The following PRKN variants were observed in gnomAD, a reference collection of about 807,000 sequenced individuals.
PRKN encodes the protein E3 ubiquitin-protein ligase parkin.
PRKN carries 56 observed loss-of-function variants against 59.5 expected under a neutral mutation model. That is an observed-to-expected ratio of 0.94 (90% CI 0.76 to 1.18). The LOEUF (loss-of-function observed/expected upper bound fraction) is 1.18. Ranked by LOEUF, PRKN falls within the 50% of genes most tolerant of loss-of-function variation. The pLI is 0.00. For missense variants in PRKN, 657 were observed against 596.4 expected (o/e 1.10, Z -1.06); for synonymous variants, 250 against 222.1 (o/e 1.13, Z -1.12).
At chr6:162,313,465 G>A (rs1383105982) in intron 2 of PRKN, among the ~76,000 whole-genome samples, 3 of 151,918 alleles carry the variant, frequency 2.0e-5, no homozygotes, top group African/African-American at 7.3e-5. Context: ...TCTATTGCAT[G>A]TTGCATGTAT....
At position 162,233,292 on chromosome 6, in the gene PRKN, G is replaced by C. The variant is rs1445694470; in HGVS notation, c.412+29233C>G. Reference sequence around the variant, plus strand: ...AAAATATAGACATTTTTAAAGCAAAGCATATGCAAGTATTTCTATATGATA... The same window carrying C: ...AAAATATAGACATTTTTAAAGCAAACCATATGCAAGTATTTCTATATGATA... On this transcript the variant is annotated intron_variant, in intron 3 of 11. Coordinates refer to ENST00000366898, the MANE Select transcript of PRKN (RefSeq NM_004562.3). Among the ~76,000 whole-genome samples the C allele has an allele frequency of 3.3e-5, 5 of 152,178 alleles. No individual in the cohort carries two copies. In the East Asian group the frequency reaches 9.7e-4, roughly 29 times the overall value.
At chr6:161,591,384 G>GGA (rs890181111) in intron 7 of PRKN, among the ~76,000 whole-genome samples, 38 of 152,172 alleles carry the variant, frequency 2.5e-4, no homozygotes, top group African/African-American at 8.4e-4. Flanking sequence ...TGGGCCTGAA[G>GGA]GAAATGACAC....
intron 6 of PRKN, among the ~76,000 whole-genome samples, chr6:161,900,894 TA>T (rs1777888281): frequency 7.4e-6 from 1 of 135,938 alleles, no homozygotes; most frequent in African/African-American, 2.8e-5. Context: ...ATATTATATA[TA>T]ACACATATGT....
chr6:162,299,598 A>G (rs1299593839), intron 2 of PRKN, among the ~76,000 whole-genome samples: 2 of 151,928 alleles, frequency 1.3e-5, no homozygotes, highest in Admixed American at 1.3e-4. Flanking sequence ...AAATATATAT[A>G]AACTATACAT....
chr6:162,685,997 G>A (rs895750107), intron 1 of PRKN, among the ~76,000 whole-genome samples: 1 of 152,104 alleles, frequency 6.6e-6, no homozygotes, highest in African/African-American at 2.4e-5. Flanking sequence ...CGTCCATTCT[G>A]AAGGGAGAGC....
chr6:161,350,943 A>AT (rs1382829831), intron 11 of PRKN, among the ~76,000 whole-genome samples: 26 of 78,800 alleles, frequency 3.3e-4, no homozygotes, highest in African/African-American at 1.5e-3. Context: ...ATATAAATAT[A>AT]TTTTATATAT....
At chr6:162,239,984 T>C (rs1394696546) in intron 3 of PRKN, among the ~76,000 whole-genome samples, 3 of 152,192 alleles carry the variant, frequency 2.0e-5, no homozygotes, top group African/African-American at 7.2e-5. Flanking sequence ...TTCCCCATAC[T>C]GTTCTCATGA....
Position 162,053,621 on chromosome 6 carries a change from G to A in PRKN, c.618+470C>T, listed in dbSNP as rs1436993864. Among the ~76,000 whole-genome samples the A allele has an allele frequency of 3.3e-5, 5 of 152,054 alleles. No individual in the cohort carries two copies. The South Asian group carries it at 1.0e-3, about 31-fold the overall frequency. On this transcript the variant is annotated intron_variant, in intron 5 of 11. Transcript: ENST00000366898. ...TCGCCGGCCACCCATACTATATTTT[G>A]TAATAGTCCACTATGTCAGAAAATT...
intron 2 of PRKN, 64 bp from the exon 3 acceptor site, chr6:162,262,829 A>T: frequency 6.3e-7 from 1 of 1,582,552 alleles, no homozygotes; most frequent in Non-Finnish European, 8.6e-7. Flanking sequence ...GAAATGCGAG[A>T]TAGAGTTTAA....
chr6:162,288,043 A>G (rs1215032306), intron 2 of PRKN, among the ~76,000 whole-genome samples: 1 of 152,268 alleles, frequency 6.6e-6, no homozygotes, highest in South Asian at 2.1e-4. Flanking sequence ...AATCCTGTTC[A>G]TGATTAGAAT....
intron 6 of PRKN, among the ~76,000 whole-genome samples, chr6:161,960,414 G>C (rs901833223): frequency 6.6e-5 from 10 of 152,170 alleles, no homozygotes; most frequent in African/African-American, 2.4e-4. Context: ...GAAAATGAAA[G>C]GGAAGGCAGA....
chr6:161,771,449 T>C (rs1480746783), intron 7 of PRKN, among the ~76,000 whole-genome samples: 2 of 151,538 alleles, frequency 1.3e-5, no homozygotes, highest in East Asian at 3.9e-4. Flanking sequence ...AGGTAGCAGC[T>C]TGGGGGAGGG....
At chr6:162,150,941 C>T (rs1782245202) in intron 4 of PRKN, among the ~76,000 whole-genome samples, 1 of 152,030 alleles carries the variant, frequency 6.6e-6, no homozygotes, top group Non-Finnish European at 1.5e-5. Context: ...TCAAATGTCA[C>T]CTGAGACTGT....
chr6:161,350,254 G>A (rs1229328382), intron 11 of PRKN, 43 bp from the exon 12 acceptor site: 3 of 1,412,346 alleles, frequency 2.1e-6, no homozygotes, highest in Non-Finnish European at 2.0e-6. Flanking sequence ...TTCGCAGCAA[G>A]TACCTGGAAA....
intron 2 of PRKN, among the ~76,000 whole-genome samples, chr6:162,325,951 T>C (rs757425103): frequency 1.6e-4 from 25 of 152,186 alleles, no homozygotes; most frequent in Non-Finnish European, 3.2e-4. Context: ...TGGTCATGTC[T>C]AATGGTGACG....
intron 7 of PRKN, among the ~76,000 whole-genome samples, chr6:161,758,220 T>C (rs1789036708): frequency 6.6e-6 from 1 of 151,968 alleles, no homozygotes; most frequent in Non-Finnish European, 1.5e-5. Context: ...ACCCCACTTC[T>C]AGGTATTTAC....
intron 5 of PRKN, among the ~76,000 whole-genome samples, chr6:162,008,429 T>C (rs1262855747): frequency 1.3e-5 from 2 of 152,138 alleles, no homozygotes; most frequent in Non-Finnish European, 2.9e-5. Context: ...AAAGAGGTAA[T>C]TATTCCTCAG....
chr6:161,808,083 G>A (rs1251889395), intron 6 of PRKN, among the ~76,000 whole-genome samples: 2 of 152,226 alleles, frequency 1.3e-5, no homozygotes, highest in South Asian at 4.1e-4. Flanking sequence ...TACAGAATAA[G>A]GTACCCCTAA....
At chr6:162,151,597 A>G (rs1782272865) in intron 4 of PRKN, among the ~76,000 whole-genome samples, 2 of 152,226 alleles carry the variant, frequency 1.3e-5, no homozygotes, top group Admixed American at 6.5e-5. Flanking sequence ...TGATATTTTG[A>G]TGCCTGAGAC....
Sources: allele counts gnomAD v4.1 joint callset (sites outside exome capture counted in the v4.1 genomes callset), GRCh38; gene constraint gnomAD v4.1.1; transcripts MANE v1.5; gene names NCBI Gene and HGNC (gene_info 2026-07-23, HGNC 2026-07-21).